PDZRN4: variants seen among roughly 807,000 people sequenced by gnomAD.
PDZRN4 encodes PDZ domain containing ring finger 4.
A neutral mutation model predicts 99.0 loss-of-function variants in PDZRN4; 70 were observed. That is an observed-to-expected ratio of 0.71 (90% CI 0.58 to 0.86). The LOEUF is 0.86. Ranked by LOEUF, PDZRN4 falls within the 40% of genes least tolerant of loss-of-function variation. The pLI, the probability that PDZRN4 is intolerant of heterozygous loss-of-function variation, is 0.00. For synonymous variants in PDZRN4, 551 were observed against 501.6 expected (o/e 1.10, Z -1.32); for missense variants, 1,474 against 1,331.2 (o/e 1.11, Z -1.67).
intron 5 of PDZRN4, among the ~76,000 whole-genome samples, chr12:41,537,152 T>C (rs116123495): frequency 1.6e-3 from 242 of 152,254 alleles, no homozygotes; most frequent in African/African-American, 5.5e-3. Flanking sequence ...TGTCTTCCAT[T>C]AAAACACTAT....
intron 5 of PDZRN4, among the ~76,000 whole-genome samples, chr12:41,527,152 T>C (rs920943473): frequency 2.6e-5 from 4 of 152,162 alleles, no homozygotes; most frequent in Non-Finnish European, 5.9e-5. Flanking sequence ...GAGGAAATGA[T>C]ACCTGAGCAG....
chr12:41,337,443 A>G lies in PDZRN4; in HGVS notation c.843+143255A>G, dbSNP rs771907254. Among the ~76,000 whole-genome samples, 62 of 152,086 alleles carry G rather than the reference A, an allele frequency of 4.1e-4. 1 individual carries two copies. Among genetic ancestry groups the G allele is most frequent in the Middle Eastern group, 3.2e-3 (1 of 316 alleles). ...AAGAAGAGTACCACCAAAAATGGGGAAGATAAATGGACAACCAGATGCGAA... is the reference window on the plus strand; with the variant it reads ...AAGAAGAGTACCACCAAAAATGGGGGAGATAAATGGACAACCAGATGCGAA... On this transcript the variant is annotated intron_variant, in intron 3 of 9. Transcript: ENST00000402685.
intron 3 of PDZRN4, among the ~76,000 whole-genome samples, chr12:41,213,431 A>T (rs930006123): frequency 6.6e-6 from 1 of 152,016 alleles, no homozygotes; most frequent in Non-Finnish European, 1.5e-5. Context: ...GTCTAACAAT[A>T]ATAATGCTAC....
intron 5 of PDZRN4, among the ~76,000 whole-genome samples, chr12:41,514,201 A>G (rs1166501611): frequency 1.3e-5 from 2 of 152,060 alleles, no homozygotes; most frequent in Non-Finnish European, 2.9e-5. Flanking sequence ...ACCAGTGTCT[A>G]TAAATAGGAG....
At chr12:41,464,825 T>C (rs1952909459) in intron 3 of PDZRN4, among the ~76,000 whole-genome samples, 2 of 148,038 alleles carry the variant, frequency 1.4e-5, no homozygotes, top group South Asian at 4.3e-4. Context: ...TTGTACTTTT[T>C]TTTTTTTTTT....
At chr12:41,367,807 T>C (rs1312113617) in intron 3 of PDZRN4, among the ~76,000 whole-genome samples, 1 of 151,984 alleles carries the variant, frequency 6.6e-6, no homozygotes, top group African/African-American at 2.4e-5. Flanking sequence ...TAATATAAAA[T>C]CTCATTATTT....
At chr12:41,346,700 T>G (rs1191629771) in intron 3 of PDZRN4, among the ~76,000 whole-genome samples, 1 of 152,150 alleles carries the variant, frequency 6.6e-6, no homozygotes, top group Non-Finnish European at 1.5e-5. Flanking sequence ...ATAATTTTTT[T>G]AAGTATGCAA....
intron 3 of PDZRN4, among the ~76,000 whole-genome samples, chr12:41,359,023 A>T (rs1195911665): frequency 6.6e-6 from 1 of 152,028 alleles, no homozygotes; most frequent in Non-Finnish European, 1.5e-5. Context: ...TTGTTTAATG[A>T]TACCACTTCA....
At chr12:41,203,643 G>A (rs1950830944) in intron 3 of PDZRN4, among the ~76,000 whole-genome samples, 1 of 152,004 alleles carries the variant, frequency 6.6e-6, no homozygotes, top group Admixed American at 6.6e-5. Flanking sequence ...TTACAGATGA[G>A]AAGACTGAGG....
At chr12:41,261,205 GA>G (rs564029193) in intron 3 of PDZRN4, among the ~76,000 whole-genome samples, 30 of 146,346 alleles carry the variant, frequency 2.0e-4, no homozygotes, top group Admixed American at 6.1e-4. Context: ...ATTTTTATTA[GA>G]AAAAAAAAAC....
chr12:41,301,185 A>T (rs1041365755), intron 3 of PDZRN4, among the ~76,000 whole-genome samples: 1 of 151,886 alleles, frequency 6.6e-6, no homozygotes, highest in African/African-American at 2.4e-5. Context: ...TCAAAGGGGG[A>T]TGGGGGAAGA....
At position 41,290,247 on chromosome 12, in the gene PDZRN4, A is replaced by G. The variant is rs192962966; in HGVS notation, c.843+96059A>G. On this transcript the variant is annotated intron_variant, in intron 3 of 9. Transcript: ENST00000402685. The stretch of plus-strand genomic sequence containing the variant: ...AGGGAAGACAGATTTTTAATAAAAA[A>G]CTTTCAAAGCAAAATATCAAATATG... Among the ~76,000 whole-genome samples the G allele has an allele frequency of 9.5e-4, 144 of 152,354 alleles. 1 individual carries two copies. The highest frequency in any genetic ancestry group is 3.4e-3 in the African/African-American group (140 of 41,592).
chr12:41,573,273 C>A lies in PDZRN4; in HGVS notation c.2494C>A (p.Pro832Thr). 6.2e-7 allele frequency: 1 copy of A among 1,613,846 alleles called. No individual in the cohort carries two copies. The highest frequency in any genetic ancestry group is 8.5e-7 in the Non-Finnish European group (1 of 1,180,028). ...AVSEHIPYLSPYHSSSYRYAN... is the reference protein window; with the variant it reads ...AVSEHIPYLSTYHSSSYRYAN... ...CAGCGAACACATCCCTTACCTCTCT[C>A]CTTACCACAGCTCCTCATATAGATA... The change falls in exon 10 of 10, where the codon CCT (proline) becomes ACT (threonine). Residue 832 changes from proline to threonine, a missense_variant. Transcript: ENST00000402685.
In PDZRN4 at chr12:41,197,920, G is replaced by GTTTTTTTTTTTTTTTTTTTTTTT. The variant is rs533696414; in HGVS notation, c.843+3743_843+3744insTTTTTTTTTTTTTTTTTTTTTTT. Among the ~76,000 whole-genome samples, 101 of 115,536 alleles carry GTTTTTTTTTTTTTTTTTTTTTTT rather than the reference G, an allele frequency of 8.7e-4. 3 individuals carry two copies. Among genetic ancestry groups the GTTTTTTTTTTTTTTTTTTTTTTT allele is most frequent in the Non-Finnish European group, 1.1e-3 (63 of 57,700 alleles). The allele number at this position is 115,536 out of a possible 152,430, so 75.8% of individuals were successfully genotyped here. A position where few individuals can be genotyped will look rare whatever the true frequency, so the allele number is the denominator to read the frequency against. ...TTCTTCTTTTCCTTGTTTTTTCTGG[G>GTTTTTTTTTTTTTTTTTTTTTTT]TTTTTTTTTTTGGAGACAGGATCTT... On this transcript the variant is annotated intron_variant, in intron 3 of 9. Coordinates refer to ENST00000402685, the MANE Select transcript of PDZRN4 (RefSeq NM_001164595.2).
chr12:41,525,761 T>C (rs536636915), intron 5 of PDZRN4, among the ~76,000 whole-genome samples: 1 of 152,232 alleles, frequency 6.6e-6, no homozygotes, highest in South Asian at 2.1e-4. Context: ...GTACAAGCAC[T>C]TGAAACATGA....
chr12:41,292,527 C>A (rs565433837), intron 3 of PDZRN4, among the ~76,000 whole-genome samples: 3 of 152,218 alleles, frequency 2.0e-5, no homozygotes, highest in African/African-American at 4.8e-5. Flanking sequence ...CATTTCAGGA[C>A]CCCCCTTTGA....
chr12:41,215,970 T>C lies in PDZRN4; in HGVS notation c.843+21782T>C, dbSNP rs115590745. Among the ~76,000 whole-genome samples the C allele has an allele frequency of 6.8e-3, 1,033 of 152,116 alleles. 8 individuals are homozygous for C. The highest frequency in any genetic ancestry group is 0.024 in the African/African-American group (996 of 41,546). ...TGTAAATCATAAAGTGTTCTACAAA[T>C]GTAATGTACTATTACTAGTTAAGGA... is the stretch of plus-strand genomic sequence containing the variant. On this transcript the variant is annotated intron_variant, in intron 3 of 9. Transcript: ENST00000402685.
At chr12:41,569,365 C>A (rs1939435836) in intron 9 of PDZRN4, among the ~76,000 whole-genome samples, 2 of 152,064 alleles carry the variant, frequency 1.3e-5, no homozygotes, top group Admixed American at 6.6e-5. Context: ...AGTGGTCCAC[C>A]AGCCTCAGCT....
intron 3 of PDZRN4, among the ~76,000 whole-genome samples, chr12:41,220,836 G>T (rs1231766847): frequency 6.6e-6 from 1 of 152,158 alleles, no homozygotes; most frequent in Non-Finnish European, 1.5e-5. Context: ...AGTACTTGTG[G>T]TTAGCACAAC....
Sources: allele counts gnomAD v4.1 joint callset (sites outside exome capture counted in the v4.1 genomes callset), GRCh38; gene constraint gnomAD v4.1.1; transcripts MANE v1.5; gene names NCBI Gene and HGNC (gene_info 2026-07-23, HGNC 2026-07-21).